PPFIA4: variants seen among roughly 807,000 people sequenced by gnomAD.
The protein encoded by PPFIA4 is liprin-alpha-4.
PPFIA4 carries 98 observed loss-of-function variants against 145.7 expected under a neutral mutation model. The ratio of observed to expected loss-of-function variants is 0.67; its 90% CI spans 0.57 to 0.80. The LOEUF is 0.80. Ranked by LOEUF, PPFIA4 falls within the 30% of genes least tolerant of loss-of-function variation. The probability of loss-of-function intolerance (pLI) is 0.00; values close to 1 mark genes in which losing one functional copy is unlikely to be tolerated. For synonymous variants in PPFIA4, 628 were observed against 649.6 expected (o/e 0.97, Z 0.51); for missense variants, 1,457 against 1,632.7 (o/e 0.89, Z 1.85).
Position 203,075,511 on chromosome 1 carries a change from C to A in PPFIA4, c.3394-66C>A. On this transcript the variant is annotated intron_variant, in intron 28 of 29. Transcript: ENST00000295706. The surrounding 1 kb of genome is among the most constrained non-coding windows in gnomAD (Gnocchi z 4.1). ...TGAACCAGCAGCGACTGGCCCCCTC[C>A]AGGCAGGGCGTGAGGATGGCAATTC... 1.5e-6 allele frequency: 2 copies of A among 1,295,778 alleles called. No homozygotes were observed. Among genetic ancestry groups the A allele is most frequent in the Non-Finnish European group, 2.0e-6 (2 of 1,006,910 alleles). The allele number at this position is 1,295,778 out of a possible 1,614,324, so 80.3% of individuals were successfully genotyped here.
chr1:203,045,717 GAC>G, intron 7 of PPFIA4, 122 bp from the exon 8 acceptor site: 1 of 1,495,116 alleles, frequency 6.7e-7, no homozygotes, highest in Non-Finnish European at 9.0e-7. Flanking sequence ...GCCAGAAACT[GAC>G]AGGAGAGTGT....
At chr1:203,051,173 G>C in intron 13 of PPFIA4, 1 of 985,386 alleles carries the variant, frequency 1.0e-6, no homozygotes, top group South Asian at 4.7e-5. Flanking sequence ...ATAGACTCTT[G>C]GGGCAAAGTA....
At position 203,056,207 on chromosome 1, in the gene PPFIA4, CT is replaced by C. The variant is rs1660933429; in HGVS notation, c.2106+55del. On this transcript the variant is annotated intron_variant, in intron 17 of 29. Transcript: ENST00000295706. ...CTAACGGGTTCACTGCTCCCATGCC[CT>C]TTCCTTTCAGCTTCCTCCCCCAGGG... 5.0e-6 allele frequency: 8 copies of C among 1,612,428 alleles called. No individual in the cohort carries two copies. The Admixed American group carries it at 1.3e-4, about 27-fold the overall frequency.
At position 203,043,847 on chromosome 1, in the gene PPFIA4, C is replaced by T. The variant is rs187335662; in HGVS notation, c.337-84C>T. 14 of 1,373,466 alleles carry T rather than the reference C, an allele frequency of 1.0e-5. No homozygotes were observed. In the African/African-American group the frequency reaches 1.2e-4, roughly 11 times the overall value. The allele number at this position is 1,373,466 out of a possible 1,614,324, so 85.1% of individuals were successfully genotyped here. On this transcript the variant is annotated intron_variant, in intron 3 of 29. Coordinates refer to ENST00000295706, the MANE Select transcript of PPFIA4 (RefSeq NM_001304331.2). This position sits in a 1 kb window ranked among gnomAD's most constrained non-coding sequence, Gnocchi z 4.4. ...GGGGTGGCTGTAACTCATGTCTGCT[C>T]GGGGATCACATGGACCCTGCTTGTA...
At chr1:203,072,813 T>C (rs1662261402) in intron 28 of PPFIA4, among the ~76,000 whole-genome samples, 1 of 152,172 alleles carries the variant, frequency 6.6e-6, no homozygotes, top group South Asian at 2.1e-4. Context: ...ACCTTGAAGT[T>C]TGGGAGAAAA....
At chr1:203,065,484 C>T (rs1443620204) in intron 25 of PPFIA4, among the ~76,000 whole-genome samples, 2 of 152,222 alleles carry the variant, frequency 1.3e-5, no homozygotes, top group African/African-American at 4.8e-5. Flanking sequence ...ATCTGTCAGC[C>T]TGGCCCCAGC....
At chr1:203,034,673 G>A (rs1355792369) in intron 1 of PPFIA4, 2 of 456,552 alleles carry the variant, frequency 4.4e-6, no homozygotes, top group Admixed American at 2.3e-5. Flanking sequence ...AGTCACCCAT[G>A]GCCTCATGAC....
In PPFIA4 at chr1:203,068,668, G is replaced by T; in HGVS notation, c.3324+40G>T. ...AATCAGTCAACTTGAGTCTCTCCCT[G>T]TATCCCTCACTTGCTCTCTTTCTTT... On this transcript the variant is annotated intron_variant, in intron 27 of 29. Coordinates refer to ENST00000295706, the MANE Select transcript of PPFIA4 (RefSeq NM_001304331.2). This position sits in a 1 kb window ranked among gnomAD's most constrained non-coding sequence, Gnocchi z 4.7. 1 of 1,429,852 alleles carries T rather than the reference G, an allele frequency of 7.0e-7. No homozygotes were observed. Among genetic ancestry groups the T allele is most frequent in the Non-Finnish European group, 9.2e-7 (1 of 1,089,226 alleles). 88.6% of individuals were successfully genotyped at this position (1,429,852 alleles called of 1,614,324 possible).
chr1:203,061,364 C>G (rs1661341094), intron 23 of PPFIA4: 1 of 523,388 alleles, frequency 1.9e-6, no homozygotes, highest in Non-Finnish European at 3.4e-6. Context: ...GTGCTTCCTC[C>G]CTGGTGGAGG....
intron 27 of PPFIA4, among the ~76,000 whole-genome samples, chr1:203,070,979 G>C (rs1215263815): frequency 1.3e-5 from 2 of 151,074 alleles, no homozygotes; most frequent in Admixed American, 6.6e-5. Context: ...TTAGAGACAG[G>C]GTCTTGTTCT....
chr1:203,062,829 T>C (rs1661487530), intron 24 of PPFIA4: 1 of 152,224 alleles, frequency 6.6e-6, no homozygotes, highest in African/African-American at 2.4e-5. Context: ...AAACAGTTTT[T>C]TACAACCAAA....
intron 1 of PPFIA4, chr1:203,034,790 G>C (rs1558062792): frequency 2.3e-6 from 1 of 431,626 alleles, no homozygotes; most frequent in Non-Finnish European, 4.7e-6. Context: ...GGTGGGGAAG[G>C]TTTCTTGGAG....
At chr1:203,065,008 C>T (rs1038014664) in intron 25 of PPFIA4, among the ~76,000 whole-genome samples, 9 of 152,192 alleles carry the variant, frequency 5.9e-5, no homozygotes, top group Admixed American at 4.6e-4. Context: ...TAGGGGTCTT[C>T]GAGGTTCTCT....
chr1:203,056,104 T>C lies in PPFIA4; in HGVS notation c.2071-16T>C, dbSNP rs1660924575. 5.6e-6 allele frequency: 9 copies of C among 1,613,902 alleles called. No homozygotes were observed. The highest frequency in any genetic ancestry group is 7.6e-6 in the Non-Finnish European group (9 of 1,179,846). ...CAGAGGGTGAGTCTGAGCTTACCCA[T>C]CCCTCTCTCTTGCAGCCCAGTGACT... is the stretch of plus-strand genomic sequence containing the variant. On this transcript the variant is annotated splice_polypyrimidine_tract_variant and intron_variant, in intron 16 of 29. Coordinates refer to ENST00000295706, the MANE Select transcript of PPFIA4 (RefSeq NM_001304331.2).
chr1:203,046,611 A>C, intron 9 of PPFIA4: 1 of 436,260 alleles, frequency 2.3e-6, no homozygotes. Flanking sequence ...AGGGGTGTAA[A>C]AGTACTTGAA....
intron 27 of PPFIA4, among the ~76,000 whole-genome samples, chr1:203,069,098 C>T (rs565707175): frequency 5.6e-4 from 86 of 152,288 alleles, no homozygotes; most frequent in African/African-American, 2.1e-3. Context: ...GCTAAATATA[C>T]CAAATTACAC....
chr1:203,065,657 T>G (rs1277843898), intron 25 of PPFIA4, among the ~76,000 whole-genome samples: 1 of 152,274 alleles, frequency 6.6e-6, no homozygotes, highest in Admixed American at 6.5e-5. Flanking sequence ...CTGCTTTTAT[T>G]CCACGTAACA....
chr1:203,046,380 A>G lies in PPFIA4; in HGVS notation c.1138A>G (p.Lys380Glu). ...ELAQRIAALTKAEERHGNIEE... is the reference protein window; with the variant it reads ...ELAQRIAALTEAEERHGNIEE... ...GGCCCAGAGAATTGCAGCCCTCACC[A>G]AGGCAAGTGGGCCAGGGGCCTGGGA... Residue 380 changes from lysine (K) to glutamate (E), a missense_variant and splice_region_variant, in exon 9 of 30, where the codon AAG becomes GAG. By Grantham distance (56) the Lys-to-Glu change is moderately conservative. Transcript: ENST00000295706. The G allele has an allele frequency of 6.3e-7, 1 of 1,585,930 alleles. No homozygotes were observed. The highest frequency in any genetic ancestry group is 8.6e-7 in the Non-Finnish European group (1 of 1,167,348).
intron 13 of PPFIA4, 140 bp downstream of exon 13, chr1:203,049,907 C>G (rs1660376710): frequency 1.4e-6 from 1 of 729,716 alleles, no homozygotes; most frequent in African/African-American, 1.8e-5. Flanking sequence ...GCTCAGATAA[C>G]TTGGTCAGAG....
Sources: allele counts gnomAD v4.1 joint callset (sites outside exome capture counted in the v4.1 genomes callset), GRCh38; gene constraint gnomAD v4.1.1; non-coding constraint Gnocchi (gnomAD v3.1); transcripts MANE v1.5; gene names NCBI Gene and HGNC (gene_info 2026-07-23, HGNC 2026-07-21).